Variants in CDKAL1 observed in about 807,000 individuals in gnomAD.
CDKAL1 encodes the protein threonylcarbamoyladenosine tRNA methylthiotransferase.
In CDKAL1, 32 loss-of-function variants were observed where a neutral mutation model predicts 68.2. The observed-to-expected ratio is 0.47, with a 90% CI of 0.35 to 0.63. The LOEUF (loss-of-function observed/expected upper bound fraction) is 0.63, where lower values mean the gene tolerates loss of function less well. CDKAL1 is among the 30% of genes least tolerant of loss of function. CDKAL1 has a pLI of 0.00. For missense variants in CDKAL1, 606 were observed against 696.7 expected, an observed-to-expected ratio of 0.87 and a Z score of 1.47; for synonymous variants, 234 against 244.3, an observed-to-expected ratio of 0.96 and a Z score of 0.39.
intron 4 of CDKAL1, among the ~76,000 whole-genome samples, chr6:20,561,313 G>A (rs1308872486): frequency 2.6e-5 from 4 of 151,800 alleles, no homozygotes; most frequent in African/African-American, 7.3e-5. Context: ...TTGGTGGTGC[G>A]TGCCTGTAAT....
chr6:20,782,992 G>A (rs546286060), intron 8 of CDKAL1, among the ~76,000 whole-genome samples: 13 of 151,994 alleles, frequency 8.6e-5, no homozygotes, highest in East Asian at 7.7e-4. Context: ...GTGCAATGGC[G>A]TGATCTTGGC....
intron 6 of CDKAL1, among the ~76,000 whole-genome samples, chr6:20,747,193 A>G (rs971008349): frequency 1.3e-5 from 2 of 152,202 alleles, no homozygotes; most frequent in African/African-American, 4.8e-5. Context: ...AATGTTGAAT[A>G]ATATTCCATT....
At chr6:20,567,877 C>A (rs982473831) in intron 4 of CDKAL1, among the ~76,000 whole-genome samples, 5 of 150,966 alleles carry the variant, frequency 3.3e-5, no homozygotes, top group Non-Finnish European at 7.4e-5. Context: ...CCATGCCCAG[C>A]AAATTTTTTT....
At chr6:21,127,210 C>A (rs974403714) in intron 13 of CDKAL1, among the ~76,000 whole-genome samples, 3 of 152,132 alleles carry the variant, frequency 2.0e-5, no homozygotes, top group Non-Finnish European at 4.4e-5. Context: ...AAGGATGAAG[C>A]AGTGGCGAAT....
intron 9 of CDKAL1, among the ~76,000 whole-genome samples, chr6:20,888,616 A>T (rs1214550783): frequency 7.2e-6 from 1 of 138,782 alleles, no homozygotes; most frequent in South Asian, 2.3e-4. Context: ...TGAGAACATG[A>T]GGTGTTTGGT....
chr6:20,609,260 C>CCTT (rs111264710), intron 4 of CDKAL1, among the ~76,000 whole-genome samples: 74,897 of 120,324 alleles, frequency 0.62, 20,096 homozygotes, highest in African/African-American at 0.71. Context: ...CTTCCTCCTT[C>CCTT]CTTCCTCCTC....
At position 20,613,249 on chromosome 6, in the gene CDKAL1, C is replaced by CTTTTTTTTTTTTTTT. The variant is rs71559677; in HGVS notation, c.287-36015_287-36001dup. ...TATCAGTTCATCACAAAATTTCTTT[C>CTTTTTTTTTTTTTTT]TTTTTTTTTTTTTTTTTTTTTTTTT... is the stretch of plus-strand genomic sequence containing the variant. On this transcript the variant is annotated intron_variant, in intron 4 of 15. Coordinates refer to ENST00000274695, the MANE Select transcript of CDKAL1 (RefSeq NM_017774.3). 2.1e-4 allele frequency among the ~76,000 whole-genome samples: 16 copies of CTTTTTTTTTTTTTTT among 77,862 alleles called. 2 individuals carry two copies. The highest frequency in any genetic ancestry group is 3.2e-4 in the Admixed American group (2 of 6,174). The allele number at this position is 77,862 out of a possible 152,430, so 51.1% of individuals were successfully genotyped here. A position where few individuals can be genotyped will look rare whatever the true frequency, so the allele number is the denominator to read the frequency against.
rs1004451205 is a variant in CDKAL1 at position 20,955,369 on chromosome 6, A to G, written c.743-50A>G. The G allele has an allele frequency of 1.9e-6, 3 of 1,561,994 alleles. No individual in the cohort carries two copies. The South Asian group carries it at 3.4e-5, about 18-fold the overall frequency. On this transcript the variant is annotated intron_variant, in intron 9 of 15. Coordinates refer to ENST00000274695, the MANE Select transcript of CDKAL1 (RefSeq NM_017774.3). ...AAAAACAGTGAGCAGCTGTATGATG[A>G]AGGAAACAGCTCTGCCACAGATTTG...
At chr6:20,895,831 T>A (rs1247358046) in intron 9 of CDKAL1, among the ~76,000 whole-genome samples, 1 of 152,192 alleles carries the variant, frequency 6.6e-6, no homozygotes, top group African/African-American at 2.4e-5. Context: ...TATGGCAATA[T>A]GCATATTTCA....
chr6:20,556,963 G>A (rs1366036521), intron 4 of CDKAL1, among the ~76,000 whole-genome samples: 1 of 151,200 alleles, frequency 6.6e-6, no homozygotes, highest in Non-Finnish European at 1.5e-5. Context: ...GCGTGAACCT[G>A]GGAGGCGGAG....
intron 12 of CDKAL1, among the ~76,000 whole-genome samples, chr6:21,070,592 G>A (rs1386903918): frequency 6.6e-6 from 1 of 151,310 alleles, no homozygotes; most frequent in Non-Finnish European, 1.5e-5. Flanking sequence ...TTCGCCCTGT[G>A]TCCTCATTTT....
chr6:21,157,758 A>G (rs1562079610), intron 13 of CDKAL1, among the ~76,000 whole-genome samples: 1 of 152,220 alleles, frequency 6.6e-6, no homozygotes, highest in East Asian at 1.9e-4. Flanking sequence ...CACATCACTC[A>G]GCCTTGTTAT....
chr6:20,590,406 AG>A (rs1765542473), intron 4 of CDKAL1, among the ~76,000 whole-genome samples: 1 of 152,106 alleles, frequency 6.6e-6, no homozygotes, highest in South Asian at 2.1e-4. Context: ...CAGAATGTGC[AG>A]GTTTGTTCAA....
chr6:20,579,008 C>T (rs867847137), intron 4 of CDKAL1, among the ~76,000 whole-genome samples: 12 of 152,154 alleles, frequency 7.9e-5, no homozygotes, highest in South Asian at 2.1e-4. Flanking sequence ...GACAGAGTCT[C>T]GCTCTGTTGC....
chr6:20,938,399 T>G (rs1763823755), intron 9 of CDKAL1, among the ~76,000 whole-genome samples: 1 of 152,176 alleles, frequency 6.6e-6, no homozygotes, highest in East Asian at 1.9e-4. Context: ...TAAGATATGA[T>G]CGCTAGTTGT....
intron 9 of CDKAL1, among the ~76,000 whole-genome samples, chr6:20,877,039 A>G (rs1760554983): frequency 6.6e-6 from 1 of 152,226 alleles, no homozygotes; most frequent in South Asian, 2.1e-4. Context: ...AGGTCTGGTG[A>G]TGATGGTTCC....
intron 9 of CDKAL1, among the ~76,000 whole-genome samples, chr6:20,864,014 G>T (rs1274567256): frequency 6.6e-6 from 1 of 152,100 alleles, no homozygotes; most frequent in African/African-American, 2.4e-5. Flanking sequence ...AGTAAAAAAA[G>T]GAGGAGAGGT....
intron 9 of CDKAL1, among the ~76,000 whole-genome samples, chr6:20,949,216 G>A (rs945833468): frequency 5.3e-5 from 8 of 152,190 alleles, no homozygotes; most frequent in Non-Finnish European, 8.8e-5. Flanking sequence ...GTTGCATTCA[G>A]TTGCTTTGCT....
chr6:20,652,488 A>G (rs1288691139), intron 5 of CDKAL1, among the ~76,000 whole-genome samples: 1 of 152,132 alleles, frequency 6.6e-6, no homozygotes, highest in African/African-American at 2.4e-5. Context: ...TCTTATCTCC[A>G]TGGATCTTCT....
Sources: allele counts gnomAD v4.1 joint callset (sites outside exome capture counted in the v4.1 genomes callset), GRCh38; gene constraint gnomAD v4.1.1; transcripts MANE v1.5; gene names NCBI Gene and HGNC (gene_info 2026-07-23, HGNC 2026-07-21).